CAMK2A: variants seen among roughly 807,000 people sequenced by gnomAD.
The protein encoded by CAMK2A is calcium/calmodulin dependent protein kinase II alpha, also known as calcium/calmodulin-dependent protein kinase type II subunit alpha.
In CAMK2A, 7 loss-of-function variants were observed where a neutral mutation model predicts 79.2. That is an observed-to-expected ratio of 0.09 (90% confidence interval 0.05 to 0.17). CAMK2A has a LOEUF of 0.17. Among genes scored for constraint, CAMK2A ranks in the 10% least tolerant of loss-of-function variants. The pLI is 1.00. For synonymous variants in CAMK2A, 242 were observed against 251.7 expected, an observed-to-expected ratio of 0.96 and a Z score of 0.36; for missense variants, 214 against 646.4, an observed-to-expected ratio of 0.33 and a Z score of 7.25.
intron 2 of CAMK2A, among the ~76,000 whole-genome samples, chr5:150,267,851 C>T (rs572274547): frequency 2.0e-5 from 3 of 151,448 alleles, no homozygotes; most frequent in African/African-American, 4.9e-5. Context: ...ATCTTCCCCC[C>T]ACTCCTCCCC....
chr5:150,288,862 T>C lies in CAMK2A; in HGVS notation c.62+702A>G, dbSNP rs543014374. Among the ~76,000 whole-genome samples, 5 of 152,172 alleles carry C rather than the reference T, an allele frequency of 3.3e-5. No individual in the cohort carries two copies. In the South Asian group the frequency reaches 6.2e-4, roughly 19 times the overall value. ...TCAGGGCAGAAAATGAGCTCTGGGCTGGGCAACTTTGCTTGTCCAGAGCCA... is the reference window on the plus strand; with the variant it reads ...TCAGGGCAGAAAATGAGCTCTGGGCCGGGCAACTTTGCTTGTCCAGAGCCA... On this transcript the variant is annotated intron_variant, in intron 1 of 18. Coordinates refer to ENST00000671881, the MANE Select transcript of CAMK2A (RefSeq NM_015981.4).
rs529721079 is a variant in CAMK2A, at chr5:150,232,387, G to A, written c.1067-1007C>T. Among the ~76,000 whole-genome samples the A allele has an allele frequency of 2.6e-5, 4 of 152,302 alleles. No homozygotes were observed. The East Asian group carries it at 5.8e-4, about 22-fold the overall frequency. On this transcript the variant is annotated intron_variant, in intron 15 of 18. Transcript: ENST00000671881. ...GTGCAACCATGCCCTGCCTCCCTAG[G>A]CCCCTGCCAGGGGTTGCCTCTCTGC... is the stretch of plus-strand genomic sequence containing the variant.
intron 1 of CAMK2A, among the ~76,000 whole-genome samples, chr5:150,276,078 T>C (rs926800552): frequency 1.3e-4 from 20 of 152,192 alleles, no homozygotes; most frequent in African/African-American, 4.8e-4. Context: ...AGTTGGGAGC[T>C]TTCAGTCAGG....
In CAMK2A at chr5:150,257,636, A is replaced by T. The variant is rs1377640814; in HGVS notation, c.218-19T>A. The stretch of plus-strand genomic sequence containing the variant: ...AGTCGGACTGTGGGCGGGGCAAGGC[A>T]GTTGGTTACAGTGGGACACACTGCT... On this transcript the variant is annotated intron_variant, in intron 3 of 18. Coordinates refer to ENST00000671881, the MANE Select transcript of CAMK2A (RefSeq NM_015981.4). 6.4e-7 allele frequency: 1 copy of T among 1,556,022 alleles called. No homozygotes were observed. Among genetic ancestry groups the T allele is most frequent in the Non-Finnish European group, 8.7e-7 (1 of 1,148,540 alleles).
Position 150,284,522 on chromosome 5 carries a change from G to A in CAMK2A, c.62+5042C>T, listed in dbSNP as rs1261418538. ...GAAGGGAGGGAGGGAGGGAGGCTCA[G>A]CAGAGTGTCAGTGTGTCTCAGCCTG... On this transcript the variant is annotated intron_variant, in intron 1 of 18. Coordinates refer to ENST00000671881, the MANE Select transcript of CAMK2A (RefSeq NM_015981.4). The surrounding 1 kb of genome is among the most constrained non-coding windows in gnomAD (Gnocchi z 5.3). Among the ~76,000 whole-genome samples the A allele has an allele frequency of 6.6e-6, 1 of 152,100 alleles. No homozygotes were observed. Among genetic ancestry groups the A allele is most frequent in the Admixed American group, 6.5e-5 (1 of 15,284 alleles).
intron 3 of CAMK2A, among the ~76,000 whole-genome samples, chr5:150,259,008 C>G (rs112016592): frequency 0.015 from 2,345 of 151,902 alleles, 25 homozygotes; most frequent in Middle Eastern, 0.027. Context: ...GGTGAAACCC[C>G]ATCTCTACTA....
At chr5:150,283,821 C>T (rs1232784518) in intron 1 of CAMK2A, among the ~76,000 whole-genome samples, 3 of 145,480 alleles carry the variant, frequency 2.1e-5, no homozygotes, top group Non-Finnish European at 2.9e-5. Context: ...AACAGAGTAC[C>T]CCGCCCAGGA....
chr5:150,237,374 C>A (rs1231269426), intron 15 of CAMK2A, among the ~76,000 whole-genome samples: 1 of 100,066 alleles, frequency 1.0e-5, no homozygotes, highest in Non-Finnish European at 2.3e-5. Context: ...AGAGACCCCC[C>A]CCTGCCACTA....
At chr5:150,264,855 G>T in intron 3 of CAMK2A, 101 bp downstream of exon 3, 1 of 841,954 alleles carries the variant, frequency 1.2e-6, no homozygotes, top group Non-Finnish European at 2.1e-6. Context: ...CCAGAGAAGA[G>T]AGCAGCTGCT....
chr5:150,248,185 C>A (rs1468588302), intron 11 of CAMK2A, among the ~76,000 whole-genome samples: 3 of 152,188 alleles, frequency 2.0e-5, no homozygotes, highest in Non-Finnish European at 4.4e-5. Flanking sequence ...GACCTCGTGT[C>A]CCCCAACCCC....
intron 1 of CAMK2A, among the ~76,000 whole-genome samples, chr5:150,278,398 T>C (rs1184449872): frequency 6.7e-6 from 1 of 148,510 alleles, no homozygotes; most frequent in Non-Finnish European, 1.5e-5. Context: ...AAAAAAAGCA[T>C]GTTTCTGTAT....
intron 1 of CAMK2A, among the ~76,000 whole-genome samples, chr5:150,286,863 ACAGTCACCC>A (rs1757444974): frequency 6.6e-6 from 1 of 152,154 alleles, no homozygotes; most frequent in Admixed American, 6.5e-5. Context: ...GAGAACAACA[ACAGTCACCC>A]CAGTAGCAAT....
Position 150,219,746 on chromosome 5 carries a change from G to A in CAMK2A, c.*2964C>T, listed in dbSNP as rs866671221. 6.6e-6 allele frequency: 1 copy of A among 152,402 alleles called. No individual in the cohort carries two copies. Among genetic ancestry groups the A allele is most frequent in the Non-Finnish European group, 1.5e-5 (1 of 67,980 alleles). The allele number at this position is 152,402 out of a possible 1,614,324, so 9.4% of individuals were successfully genotyped here. On this transcript the variant is annotated 3_prime_UTR_variant, in exon 19 of 19. Transcript: ENST00000671881. The stretch of plus-strand genomic sequence containing the variant: ...CCAAAAGGGTCTCCCTTTGAAGGGA[G>A]ACAGGAGGCCTTGGGTCAGGATTCG...
At chr5:150,266,425 G>A (rs557722363) in intron 2 of CAMK2A, among the ~76,000 whole-genome samples, 3 of 152,058 alleles carry the variant, frequency 2.0e-5, no homozygotes, top group Non-Finnish European at 4.4e-5. Context: ...TTCACAATTT[G>A]GTAGTTAACG....
intron 1 of CAMK2A, among the ~76,000 whole-genome samples, chr5:150,277,701 T>C (rs930183980): frequency 1.4e-4 from 21 of 152,324 alleles, no homozygotes; most frequent in South Asian, 2.1e-4. Flanking sequence ...TGCATGGCTT[T>C]TATCAGATGC....
chr5:150,248,729 C>T (rs577952203), intron 11 of CAMK2A, among the ~76,000 whole-genome samples: 18 of 151,968 alleles, frequency 1.2e-4, no homozygotes, highest in Admixed American at 1.1e-3. Flanking sequence ...TTAATCCAGT[C>T]GATCATTGTT....
intron 15 of CAMK2A, 179 bp downstream of exon 15, chr5:150,238,521 C>A (rs764413045): frequency 1.4e-6 from 1 of 713,646 alleles, no homozygotes; most frequent in South Asian, 1.5e-5. Flanking sequence ...CCAGTACCAC[C>A]CCCGCCCTCC....
rs116209433 is a variant in CAMK2A at position 150,281,636 on chromosome 5, G to A, written c.62+7928C>T. Among the ~76,000 whole-genome samples the A allele has an allele frequency of 8.7e-3, 1,323 of 152,328 alleles. 22 individuals are homozygous for A. The highest frequency in any genetic ancestry group is 0.027 in the East Asian group (138 of 5,192). ...AGTACTCTCAGGTTAGAGGGGGTCC[G>A]ACCTTGAGGTCCATAGTTGGGCTTG... On this transcript the variant is annotated intron_variant, in intron 1 of 18. Transcript: ENST00000671881.
At chr5:150,258,176 C>T (rs1344753456) in intron 3 of CAMK2A, among the ~76,000 whole-genome samples, 14 of 152,200 alleles carry the variant, frequency 9.2e-5, no homozygotes, top group Non-Finnish European at 2.9e-5. Context: ...AGGGTCCCTG[C>T]GTTCTGGCAT....
Sources: allele counts gnomAD v4.1 joint callset (sites outside exome capture counted in the v4.1 genomes callset), GRCh38; gene constraint gnomAD v4.1.1; non-coding constraint Gnocchi (gnomAD v3.1); transcripts MANE v1.5; gene names NCBI Gene and HGNC (gene_info 2026-07-23, HGNC 2026-07-21).